Variants in AGBL1 observed in about 807,000 individuals in gnomAD.
The protein encoded by AGBL1 is AGBL carboxypeptidase 1, also known as cytosolic carboxypeptidase 4.
Under a neutral mutation model 118.9 loss-of-function variants are expected in AGBL1, and 130 were observed. The observed-to-expected ratio is 1.09, with a 90% CI of 0.95 to 1.26. AGBL1 has a LOEUF of 1.26. AGBL1 is among the 50% of genes most tolerant of loss of function. AGBL1 has a pLI of 0.00. For missense variants in AGBL1, 1,584 were observed against 1,298.1 expected, an observed-to-expected ratio of 1.22 and a Z score of -3.38; for synonymous variants, 555 against 478.9, an observed-to-expected ratio of 1.16 and a Z score of -2.08.
At chr15:86,537,084 CAGTT>C (rs1348392076) in intron 19 of AGBL1, among the ~76,000 whole-genome samples, 4 of 152,198 alleles carry the variant, frequency 2.6e-5, no homozygotes, top group African/African-American at 9.7e-5. Flanking sequence ...CAACAGTTCT[CAGTT>C]AGGAAAGCAA....
At position 86,827,371 on chromosome 15, in the gene AGBL1, A is replaced by G. The variant is rs1456089000; in HGVS notation, c.3159-79716A>G. On this transcript the variant is annotated intron_variant, in intron 22 of 22. Coordinates refer to ENST00000614907, the MANE Select transcript of AGBL1 (RefSeq NM_001386094.1). Reference sequence around the variant, plus strand: ...TATATATATATATATATGTGTGTGTATATATATATATACACATATATATAT... The same window carrying G: ...TATATATATATATATATGTGTGTGTGTATATATATATACACATATATATAT... Among the ~76,000 whole-genome samples the G allele has an allele frequency of 6.2e-4, 6 of 9,666 alleles. 3 individuals carry two copies. The highest frequency in any genetic ancestry group is 2.6e-3 in the African/African-American group (2 of 772). The allele number at this position is 9,666 out of a possible 152,430, so 6.3% of individuals were successfully genotyped here.
At chr15:86,379,413 G>C (rs925595361) in intron 17 of AGBL1, among the ~76,000 whole-genome samples, 3 of 151,988 alleles carry the variant, frequency 2.0e-5, no homozygotes, top group African/African-American at 7.3e-5. Flanking sequence ...TCAAATTTGA[G>C]TGGTTCTCAT....
chr15:86,471,498 GTTTT>G lies in AGBL1; in HGVS notation c.2556-51298_2556-51295del, dbSNP rs375141045. ...TGTTAATCAAGGATATTGGCCTATAGTTTTTTTTTTTTTTTTTATAGCTTCCTCA... is the reference window on the plus strand; with the variant it reads ...TGTTAATCAAGGATATTGGCCTATAGTTTTTTTTTTTTTATAGCTTCCTCA... On this transcript the variant is annotated intron_variant, in intron 18 of 22. Transcript: ENST00000614907. Among the ~76,000 whole-genome samples, 106 of 142,504 alleles carry G rather than the reference GTTTT, an allele frequency of 7.4e-4. 3 individuals are homozygous for G. The highest frequency in any genetic ancestry group is 3.5e-3 in the Middle Eastern group (1 of 284). The allele number at this position is 142,504 out of a possible 152,430, so 93.5% of individuals were successfully genotyped here.
At chr15:86,174,859 G>T (rs140470148) in intron 5 of AGBL1, among the ~76,000 whole-genome samples, 45 of 152,120 alleles carry the variant, frequency 3.0e-4, no homozygotes, top group Middle Eastern at 6.8e-3. Context: ...CTTGATCATG[G>T]TATATTATCT....
intron 23 of AGBL1, among the ~76,000 whole-genome samples, chr15:86,987,683 G>T (rs985044157): frequency 8.6e-5 from 13 of 152,010 alleles, no homozygotes; most frequent in African/African-American, 2.7e-4. Context: ...ATATAATCGT[G>T]TTTCCTTTCC....
At chr15:86,923,529 G>C (rs1258954923) in intron 23 of AGBL1, among the ~76,000 whole-genome samples, 1 of 152,066 alleles carries the variant, frequency 6.6e-6, no homozygotes, top group African/African-American at 2.4e-5. Flanking sequence ...TACTCTCTCT[G>C]TGCTTCTATC....
At chr15:86,360,544 T>C (rs1170000376) in intron 17 of AGBL1, among the ~76,000 whole-genome samples, 1 of 152,006 alleles carries the variant, frequency 6.6e-6, no homozygotes, top group Non-Finnish European at 1.5e-5. Context: ...AGAGTGATGC[T>C]AGCCTCATAA....
intron 24 of AGBL1, among the ~76,000 whole-genome samples, chr15:87,018,095 A>G (rs1004413536): frequency 2.3e-4 from 35 of 152,212 alleles, no homozygotes; most frequent in African/African-American, 8.4e-4. Flanking sequence ...AGGAATGAAC[A>G]AAACCTCCAA....
chr15:86,262,677 C>A (rs1291181313), intron 9 of AGBL1, 101 bp from the exon 10 acceptor site: 1 of 813,310 alleles, frequency 1.2e-6, no homozygotes, highest in South Asian at 1.5e-5. Flanking sequence ...GGCAAGAAAA[C>A]CATGTCCTAA....
chr15:86,409,170 A>G (rs1288983019), intron 18 of AGBL1, among the ~76,000 whole-genome samples: 1 of 152,120 alleles, frequency 6.6e-6, no homozygotes, highest in African/African-American at 2.4e-5. Flanking sequence ...AGACAAGTGG[A>G]AGGAGGTGGA....
intron 22 of AGBL1, among the ~76,000 whole-genome samples, chr15:86,845,338 C>T (rs534002969): frequency 6.6e-6 from 1 of 152,182 alleles, no homozygotes. Context: ...GATGACTGTA[C>T]TCTCTTTGTC....
intron 22 of AGBL1, among the ~76,000 whole-genome samples, chr15:86,809,037 T>C (rs149009546): frequency 0.011 from 1,618 of 152,244 alleles, 23 homozygotes; most frequent in Middle Eastern, 0.061. Flanking sequence ...AAAACAATTT[T>C]TATGAATATC....
chr15:86,785,495 C>T (rs1010243042), intron 22 of AGBL1, among the ~76,000 whole-genome samples: 1 of 151,668 alleles, frequency 6.6e-6, no homozygotes, highest in African/African-American at 2.4e-5. Flanking sequence ...CTGCCTCAGC[C>T]TCCCAAGTAG....
chr15:86,550,454 T>C (rs2083648802), intron 20 of AGBL1, among the ~76,000 whole-genome samples: 1 of 152,076 alleles, frequency 6.6e-6, no homozygotes, highest in Non-Finnish European at 1.5e-5. Context: ...ACCATGCAAA[T>C]GGTAACCATA....
At chr15:86,477,964 A>G (rs550576706) in intron 18 of AGBL1, among the ~76,000 whole-genome samples, 1 of 152,334 alleles carries the variant, frequency 6.6e-6, no homozygotes, top group African/African-American at 2.4e-5. Flanking sequence ...GCATATAAAC[A>G]GAATGAAAGA....
intron 22 of AGBL1, among the ~76,000 whole-genome samples, chr15:86,839,807 T>C (rs1596538889): frequency 6.6e-6 from 1 of 152,182 alleles, no homozygotes; most frequent in East Asian, 1.9e-4. Flanking sequence ...GCAAAAACCA[T>C]TCAACCCAGT....
chr15:86,469,108 A>T (rs1464749719), intron 18 of AGBL1, among the ~76,000 whole-genome samples: 1 of 152,186 alleles, frequency 6.6e-6, no homozygotes, highest in Non-Finnish European at 1.5e-5. Context: ...AAGATCTCTG[A>T]TAGCAATTTT....
At chr15:86,637,864 C>A (rs2085122883) in intron 21 of AGBL1, among the ~76,000 whole-genome samples, 1 of 152,128 alleles carries the variant, frequency 6.6e-6, no homozygotes, top group African/African-American at 2.4e-5. Context: ...ATGCTTTCTG[C>A]CTGATCTGTG....
chr15:86,217,878 G>A (rs1449251206), intron 5 of AGBL1, among the ~76,000 whole-genome samples: 1 of 152,188 alleles, frequency 6.6e-6, no homozygotes, highest in Non-Finnish European at 1.5e-5. Context: ...ATGTGGGGTA[G>A]CAATGTGAGG....
Sources: gnomAD v4.1 joint callset for allele counts (sites outside exome capture counted in the v4.1 genomes callset) on GRCh38, gnomAD v4.1.1 for gene constraint, MANE v1.5 for transcripts, NCBI Gene and HGNC (gene_info 2026-07-23, HGNC 2026-07-21) for gene names.